Variants in MINDY2 observed in about 807,000 individuals in gnomAD.
MINDY2 encodes the protein ubiquitin carboxyl-terminal hydrolase MINDY-2.
MINDY2 carries 52 observed loss-of-function variants against 68.2 expected under a neutral mutation model. The ratio of observed to expected loss-of-function variants is 0.76; its 90% confidence interval spans 0.61 to 0.96. The LOEUF (loss-of-function observed/expected upper bound fraction) is 0.96. Ranked by LOEUF, MINDY2 falls within the 40% of genes least tolerant of loss-of-function variation. The pLI, the probability that MINDY2 is intolerant of heterozygous loss-of-function variation, is 0.00. For missense variants in MINDY2, 881 were observed against 773.4 expected, an observed-to-expected ratio of 1.14 and a Z score of -1.65; for synonymous variants, 372 against 303.0, an observed-to-expected ratio of 1.23 and a Z score of -2.36.
chr15:58,851,162 C>A (rs1260107515), intron 7 of MINDY2, among the ~76,000 whole-genome samples: 7 of 150,890 alleles, frequency 4.6e-5, no homozygotes, highest in African/African-American at 1.7e-4. Context: ...TTAATAGAGA[C>A]GGGGTTGTAC....
At chr15:58,788,434 T>G (rs1901653972) in intron 2 of MINDY2, among the ~76,000 whole-genome samples, 1 of 152,234 alleles carries the variant, frequency 6.6e-6, no homozygotes, top group South Asian at 2.1e-4. Context: ...AATATTTACA[T>G]TAGTAAGCAC....
At position 58,812,585 on chromosome 15, in the gene MINDY2, C is replaced by G. The variant is rs559284975; in HGVS notation, c.1122+2197C>G. Among the ~76,000 whole-genome samples, 14 of 152,106 alleles carry G rather than the reference C, an allele frequency of 9.2e-5. 1 individual carries two copies. The highest frequency in any genetic ancestry group is 3.4e-4 in the African/African-American group (14 of 41,502). Reference sequence around the variant, plus strand: ...AGTAAAGTCGAGATACATGGCTGGACACAGTGGCTCATGCCTGTAATCCTA... The same window carrying G: ...AGTAAAGTCGAGATACATGGCTGGAGACAGTGGCTCATGCCTGTAATCCTA... On this transcript the variant is annotated intron_variant, in intron 4 of 8. Coordinates refer to ENST00000559228, the MANE Select transcript of MINDY2 (RefSeq NM_001040450.3).
At chr15:58,831,035 G>A (rs1404358393) in intron 5 of MINDY2, among the ~76,000 whole-genome samples, 32 of 99,044 alleles carry the variant, frequency 3.2e-4, no homozygotes, top group African/African-American at 1.7e-3. Context: ...GTGTGTGTGT[G>A]TGTGTGTATA....
At chr15:58,773,454 A>G (rs1900572810) in intron 1 of MINDY2, among the ~76,000 whole-genome samples, 1 of 152,236 alleles carries the variant, frequency 6.6e-6, no homozygotes, top group Non-Finnish European at 1.5e-5. Flanking sequence ...TGGCACTGAG[A>G]TGTTTTAAGT....
rs1162390535 is a variant in MINDY2, at chr15:58,856,351, A to G, written c.*1741A>G. The stretch of plus-strand genomic sequence containing the variant: ...ACTATGTCATTAACTTTATGATCCA[A>G]GACCAGTTATAGGATGAATCTGTAT... On this transcript the variant is annotated 3_prime_UTR_variant, in exon 9 of 9. Coordinates refer to ENST00000559228, the MANE Select transcript of MINDY2 (RefSeq NM_001040450.3). 6.6e-6 allele frequency: 1 copy of G among 152,618 alleles called. No individual in the cohort carries two copies. Among genetic ancestry groups the G allele is most frequent in the Non-Finnish European group, 1.5e-5 (1 of 68,040 alleles). The allele number at this position is 152,618 out of a possible 1,614,324, so 9.5% of individuals were successfully genotyped here.
chr15:58,791,215 T>TTA lies in MINDY2; in HGVS notation c.898+3292_898+3293dup, dbSNP rs57998049. 2.4e-3 allele frequency among the ~76,000 whole-genome samples: 193 copies of TTA among 79,508 alleles called. 2 individuals carry two copies. The highest frequency in any genetic ancestry group is 4.2e-3 in the Non-Finnish European group (132 of 31,516). The allele number at this position is 79,508 out of a possible 152,430, so 52.2% of individuals were successfully genotyped here. ...AAAGGGAGCCATCAGGAAAGCAATT[T>TTA]TATATATATATATATATATATATAT... On this transcript the variant is annotated intron_variant, in intron 2 of 8. Transcript: ENST00000559228.
At chr15:58,775,696 A>C (rs144964036) in intron 1 of MINDY2, among the ~76,000 whole-genome samples, 76 of 152,304 alleles carry the variant, frequency 5.0e-4, no homozygotes, top group African/African-American at 1.8e-3. Context: ...GATTGGCTGG[A>C]TCTTTCCAAA....
chr15:58,837,013 C>G (rs1161954507), intron 6 of MINDY2, among the ~76,000 whole-genome samples: 1 of 152,122 alleles, frequency 6.6e-6, no homozygotes, highest in African/African-American at 2.4e-5. Context: ...AACACTTTGG[C>G]TGTTGGTGTA....
At chr15:58,817,034 C>T (rs1157349454) in intron 4 of MINDY2, among the ~76,000 whole-genome samples, 1 of 152,074 alleles carries the variant, frequency 6.6e-6, no homozygotes, top group East Asian at 1.9e-4. Context: ...AACTATGTTC[C>T]TGATATTATG....
At chr15:58,790,566 T>A (rs1007645749) in intron 2 of MINDY2, among the ~76,000 whole-genome samples, 8 of 145,638 alleles carry the variant, frequency 5.5e-5, no homozygotes, top group African/African-American at 2.1e-4. Flanking sequence ...TCTCTAGCAT[T>A]TATGTTGACA....
chr15:58,799,438 G>A (rs181880528), intron 2 of MINDY2, among the ~76,000 whole-genome samples: 1 of 152,078 alleles, frequency 6.6e-6, no homozygotes, highest in Non-Finnish European at 1.5e-5. Flanking sequence ...GTGGTGGCGG[G>A]TGCCTGTAGT....
rs532134600 is a variant in MINDY2, at chr15:58,833,466, C to T, written c.1368+1550C>T. Among the ~76,000 whole-genome samples, 6 of 152,254 alleles carry T rather than the reference C, an allele frequency of 3.9e-5. No homozygotes were observed. In the East Asian group the frequency reaches 9.7e-4, roughly 25 times the overall value. ...GAAAAAAGGGGGCCCAGGGGACCAG[C>T]GTTCAGCATGCGGAGGATCCACGCC... On this transcript the variant is annotated intron_variant, in intron 6 of 8. Coordinates refer to ENST00000559228, the MANE Select transcript of MINDY2 (RefSeq NM_001040450.3).
intron 6 of MINDY2, among the ~76,000 whole-genome samples, chr15:58,836,359 A>T (rs1551445): frequency 2.0e-5 from 3 of 151,534 alleles, no homozygotes; most frequent in Non-Finnish European, 4.4e-5. Context: ...ACTTGTCCCC[A>T]GAATAGTTCT....
intron 6 of MINDY2, among the ~76,000 whole-genome samples, chr15:58,841,529 C>G (rs1417200670): frequency 2.0e-5 from 3 of 151,844 alleles, no homozygotes; most frequent in African/African-American, 4.8e-5. Flanking sequence ...CCTTAGCCCC[C>G]CAAGTAGCTG....
intron 6 of MINDY2, among the ~76,000 whole-genome samples, chr15:58,844,449 G>C (rs2032429310): frequency 6.6e-6 from 1 of 151,950 alleles, no homozygotes; most frequent in Non-Finnish European, 1.5e-5. Context: ...CTACTTGGGA[G>C]GCTGAGGCGG....
At chr15:58,776,150 T>C (rs1285017939) in intron 1 of MINDY2, among the ~76,000 whole-genome samples, 1 of 152,152 alleles carries the variant, frequency 6.6e-6, no homozygotes, top group African/African-American at 2.4e-5. Context: ...ATTGGGAAAT[T>C]ACTACATAGA....
intron 6 of MINDY2, among the ~76,000 whole-genome samples, chr15:58,836,961 A>G (rs2032025555): frequency 6.6e-6 from 1 of 152,134 alleles, no homozygotes; most frequent in Admixed American, 6.6e-5. Context: ...CGTCTTCTTC[A>G]CTGACCCAGT....
chr15:58,821,764 A>G lies in MINDY2; in HGVS notation c.1170A>G (p.Leu390=). Residue 390 remains leucine, a synonymous_variant, in exon 5 of 9, where the codon CTA becomes CTG. Coordinates refer to ENST00000559228, the MANE Select transcript of MINDY2 (RefSeq NM_001040450.3). ...TTGGTAACTGCAGCTACAACCAACT[A>G]GTGGAGAAGATCATCTCTTGTAAAC... The part of the protein sequence containing the change: ...KAVGNCSYNQ[L]VEKIISCKQS... 1.3e-6 allele frequency: 2 copies of G among 1,591,068 alleles called. No homozygotes were observed. The highest frequency in any genetic ancestry group is 1.7e-6 in the Non-Finnish European group (2 of 1,172,064).
chr15:58,816,559 G>A (rs754387073), intron 4 of MINDY2, among the ~76,000 whole-genome samples: 1 of 151,918 alleles, frequency 6.6e-6, no homozygotes, highest in Non-Finnish European at 1.5e-5. Context: ...TTGTGCATCA[G>A]CATGCCCAGC....
Sources: gnomAD v4.1 joint callset for allele counts (sites outside exome capture counted in the v4.1 genomes callset) on GRCh38, gnomAD v4.1.1 for gene constraint, MANE v1.5 for transcripts, NCBI Gene and HGNC (gene_info 2026-07-23, HGNC 2026-07-21) for gene names.